AK9: variants seen among roughly 807,000 people sequenced by gnomAD.
AK9 encodes the protein adenylate kinase 9, also known as adenylate kinase domain containing 1.
A neutral mutation model predicts 239.6 loss-of-function variants in AK9; 191 were observed. That is an observed-to-expected ratio of 0.80 (90% CI 0.71 to 0.90). The LOEUF is 0.90. Among genes scored for constraint, AK9 ranks in the 40% least tolerant of loss-of-function variants. The pLI, the probability that AK9 is intolerant of heterozygous loss-of-function variation, is 0.00. For missense variants in AK9, 1,995 were observed against 2,214.7 expected (o/e 0.90, Z 1.99); for synonymous variants, 689 against 721.0 (o/e 0.96, Z 0.71).
intron 29 of AK9, among the ~76,000 whole-genome samples, chr6:109,524,950 G>T (rs115671839): frequency 1.3e-5 from 2 of 152,122 alleles, no homozygotes; most frequent in African/African-American, 4.8e-5. Context: ...ACGAAGCATA[G>T]AGTTATACTT....
intron 1 of AK9, among the ~76,000 whole-genome samples, chr6:109,679,823 G>A (rs1583559375): frequency 6.6e-6 from 1 of 152,238 alleles, no homozygotes; most frequent in East Asian, 1.9e-4. Flanking sequence ...AGAGTCTAGA[G>A]TGGACCTCCA....
rs1793903775 is a variant in AK9 at position 109,614,278 on chromosome 6, T to C, written c.1514A>G (p.Gln505Arg). The C allele has an allele frequency of 4.5e-6, 7 of 1,551,396 alleles. No homozygotes were observed. The highest frequency in any genetic ancestry group is 6.1e-6 in the Non-Finnish European group (7 of 1,146,776). The change falls in exon 15 of 41, where the codon CAA becomes CGA. Residue 505 changes from glutamine to arginine, a missense_variant. This residue lies in a region of AK9 where 1,290 missense variants were observed against 1,392.7 expected (regional missense o/e 0.93). Coordinates refer to ENST00000424296, the MANE Select transcript of AK9 (RefSeq NM_001145128.3). ...CACTAAAGAGCTGCCTCTGTCCCTT[T>C]GGGAGCCTTGAATGTACCCTGCAAT... ...IDEEGYIQGS[Q>R]RDRGSSLVDT... is the part of the protein sequence containing the mutation.
At chr6:109,635,361 A>G (rs1409437183) in intron 10 of AK9, among the ~76,000 whole-genome samples, 1 of 152,238 alleles carries the variant, frequency 6.6e-6, no homozygotes, top group Non-Finnish European at 1.5e-5. Context: ...CTGGAAAGAC[A>G]TGGGACCTTG....
intron 24 of AK9, among the ~76,000 whole-genome samples, chr6:109,555,382 G>A (rs1170097205): frequency 6.6e-6 from 1 of 152,174 alleles, no homozygotes; most frequent in Non-Finnish European, 1.5e-5. Flanking sequence ...GAGACTGTTT[G>A]TTATGATTTC....
rs1783498221 is a variant in AK9 at position 109,545,933 on chromosome 6, T to C, written c.3159A>G (p.Lys1053=). 3 of 1,614,192 alleles carry C rather than the reference T, an allele frequency of 1.9e-6. No homozygotes were observed. Among genetic ancestry groups the C allele is most frequent in the Non-Finnish European group, 2.5e-6 (3 of 1,180,020 alleles). The change falls in exon 26 of 41, where the codon AAA becomes AAG. Residue 1053 remains lysine (K), a synonymous_variant. Coordinates refer to ENST00000424296, the MANE Select transcript of AK9 (RefSeq NM_001145128.3). ...EEDSENEQAA[K]QELEELAIQA... ...GAATTGCAAGCTCTTCAAGTTCTTG[T>C]TTGGCAGCTTGCTCGTTCTCAGAAT... is the stretch of plus-strand genomic sequence containing the variant.
chr6:109,556,876 C>A (rs1785061642), intron 24 of AK9, among the ~76,000 whole-genome samples: 2 of 151,978 alleles, frequency 1.3e-5, no homozygotes, highest in African/African-American at 4.8e-5. Flanking sequence ...ATGTTCCTCT[C>A]TAAACTGATT....
At chr6:109,605,707 G>T (rs1490340923) in intron 17 of AK9, among the ~76,000 whole-genome samples, 1 of 152,160 alleles carries the variant, frequency 6.6e-6, no homozygotes, top group Non-Finnish European at 1.5e-5. Context: ...AGCCCAAGTT[G>T]CTCAAGTTCA....
At chr6:109,628,240 C>T (rs1364991568) in intron 12 of AK9, among the ~76,000 whole-genome samples, 2 of 152,178 alleles carry the variant, frequency 1.3e-5, no homozygotes, top group Non-Finnish European at 2.9e-5. Context: ...CTGTTCACAA[C>T]CTGTAGGAGC....
chr6:109,598,356 G>A (rs1408889175), intron 17 of AK9, among the ~76,000 whole-genome samples: 2 of 152,016 alleles, frequency 1.3e-5, no homozygotes, highest in Non-Finnish European at 2.9e-5. Flanking sequence ...AGTTTGCTAA[G>A]AATGATGGTT....
chr6:109,586,789 T>C (rs575762786), intron 17 of AK9, among the ~76,000 whole-genome samples: 1 of 152,154 alleles, frequency 6.6e-6, no homozygotes, highest in Admixed American at 6.5e-5. Flanking sequence ...TTCTCTCCAA[T>C]AGCAATAGTT....
intron 12 of AK9, among the ~76,000 whole-genome samples, chr6:109,627,908 C>G (rs1210866171): frequency 2.0e-5 from 3 of 152,198 alleles, no homozygotes; most frequent in African/African-American, 7.2e-5. Context: ...CCTCAGCCTC[C>G]CAAAGTGCTG....
At chr6:109,632,783 T>G in intron 12 of AK9, 140 bp downstream of exon 12, 1 of 1,367,116 alleles carries the variant, frequency 7.3e-7, no homozygotes, top group Non-Finnish European at 9.4e-7. Flanking sequence ...AATTATTCAA[T>G]TAAAACATGA....
chr6:109,682,706 C>A (rs1207319066), intron 1 of AK9, among the ~76,000 whole-genome samples: 2 of 151,930 alleles, frequency 1.3e-5, no homozygotes, highest in Admixed American at 6.6e-5. Context: ...CAGGAAAAAT[C>A]GAATCCCTGA....
At chr6:109,528,776 A>G (rs1222193487) in intron 29 of AK9, 1 of 632,250 alleles carries the variant, frequency 1.6e-6, no homozygotes, top group Non-Finnish European at 2.8e-6. Context: ...ACAGATGGAA[A>G]TCAGGTTACA....
chr6:109,670,139 T>C (rs762890593), intron 5 of AK9, among the ~76,000 whole-genome samples: 5 of 152,142 alleles, frequency 3.3e-5, no homozygotes, highest in Non-Finnish European at 5.9e-5. Context: ...GGGAAACTTA[T>C]ATATAAAGAG....
intron 15 of AK9, 36 bp from the exon 16 acceptor site, chr6:109,612,129 T>C: frequency 7.3e-7 from 1 of 1,371,056 alleles, no homozygotes; most frequent in Non-Finnish European, 9.9e-7. Flanking sequence ...TAAAGAACGG[T>C]ATTAAAAAAA....
intron 13 of AK9, among the ~76,000 whole-genome samples, 176 bp downstream of exon 13, chr6:109,618,916 T>C (rs1292158761): frequency 6.6e-6 from 1 of 152,172 alleles, no homozygotes; most frequent in African/African-American, 2.4e-5. Flanking sequence ...ATTGAAAGTT[T>C]TTTTCTCTGC....
intron 19 of AK9, among the ~76,000 whole-genome samples, chr6:109,580,542 G>T (rs1298676566): frequency 6.6e-6 from 1 of 152,142 alleles, no homozygotes; most frequent in East Asian, 1.9e-4. Context: ...ATTCATGTCA[G>T]CAGCATACAC....
chr6:109,595,670 C>A (rs1422309994), intron 17 of AK9, among the ~76,000 whole-genome samples: 1 of 152,070 alleles, frequency 6.6e-6, no homozygotes, highest in Non-Finnish European at 1.5e-5. Context: ...ACTATGCAGC[C>A]ATAAAAAAGG....
Sources: gnomAD v4.1 joint callset for allele counts (sites outside exome capture counted in the v4.1 genomes callset) on GRCh38, gnomAD v4.1.1 for gene constraint, gnomAD v4.1.1 regional missense constraint, MANE v1.5 for transcripts, NCBI Gene and HGNC (gene_info 2026-07-23, HGNC 2026-07-21) for gene names.